Variants in UGT2B7 observed in about 807,000 individuals in gnomAD.
UGT2B7 encodes UDP-glucuronosyltransferase 2B7.
Under a neutral mutation model 51.9 loss-of-function variants are expected in UGT2B7, and 51 were observed. The observed-to-expected ratio is 0.98, with a 90% CI of 0.78 to 1.24. The LOEUF (loss-of-function observed/expected upper bound fraction) is 1.24. Among genes scored for constraint, UGT2B7 ranks in the 50% most tolerant of loss-of-function variants. UGT2B7 has a pLI of 0.00. For synonymous variants in UGT2B7, 225 were observed against 211.6 expected, an observed-to-expected ratio of 1.06 and a Z score of -0.55; for missense variants, 727 against 628.4, an observed-to-expected ratio of 1.16 and a Z score of -1.68.
intron 1 of UGT2B7, among the ~76,000 whole-genome samples, chr4:69,086,501 A>G (rs1002243167): frequency 6.6e-6 from 1 of 151,948 alleles, no homozygotes; most frequent in African/African-American, 2.4e-5. Context: ...TATCTTACCT[A>G]GAGTGCAGTT....
At chr4:69,100,177 G>A (rs1440640883) in intron 2 of UGT2B7, among the ~76,000 whole-genome samples, 3 of 151,962 alleles carry the variant, frequency 2.0e-5, no homozygotes, top group Non-Finnish European at 4.4e-5. Flanking sequence ...AAAGCTTCCT[G>A]TGGGAACTCG....
intron 5 of UGT2B7, among the ~76,000 whole-genome samples, chr4:69,110,432 A>G (rs928280697): frequency 2.0e-5 from 3 of 151,526 alleles, no homozygotes; most frequent in African/African-American, 7.3e-5. Flanking sequence ...CCAGTTATAT[A>G]CCCAACAGAT....
intron 1 of UGT2B7, among the ~76,000 whole-genome samples, chr4:69,053,059 T>C (rs1402752427): frequency 6.6e-6 from 1 of 152,200 alleles, no homozygotes; most frequent in Non-Finnish European, 1.5e-5. Flanking sequence ...ACAGGTTTTT[T>C]TTCTTAAAGC....
chr4:69,112,075 C>T (rs1719788258), intron 5 of UGT2B7, among the ~76,000 whole-genome samples: 1 of 152,134 alleles, frequency 6.6e-6, no homozygotes, highest in Admixed American at 6.5e-5. Context: ...GCAGACAGCC[C>T]AGTGCCACAC....
intron 3 of UGT2B7, among the ~76,000 whole-genome samples, chr4:69,106,507 G>A (rs1719604652): frequency 6.6e-6 from 1 of 152,034 alleles, no homozygotes; most frequent in South Asian, 2.1e-4. Context: ...ATAATCAATG[G>A]GCATTTAGGT....
intron 1 of UGT2B7, among the ~76,000 whole-genome samples, chr4:69,054,144 G>GT (rs1718118168): frequency 6.6e-6 from 1 of 150,584 alleles, no homozygotes; most frequent in Admixed American, 6.6e-5. Flanking sequence ...CTTTTCATGA[G>GT]TTAAAAAAAA....
intron 3 of UGT2B7, among the ~76,000 whole-genome samples, chr4:69,104,831 C>T (rs953521775): frequency 3.9e-5 from 6 of 152,120 alleles, no homozygotes; most frequent in African/African-American, 1.4e-4. Context: ...ATAACAATAG[C>T]AGGTATTTCA....
Position 69,102,867 on chromosome 4 carries a change from T to G in UGT2B7, c.931T>G (p.Ser311Ala). Residue 311 changes from serine to alanine, a missense_variant, in exon 3 of 6, where the codon TCA becomes GCA. Coordinates refer to ENST00000305231, the MANE Select transcript of UGT2B7 (RefSeq NM_001074.4). The stretch of plus-strand genomic sequence containing the variant: ...TGGTGTTGTGGTGTTTTCTCTGGGG[T>G]CAATGGTCAGTAACATGACAGAAGA... ...ENGVVVFSLG[S>A]MVSNMTEERA... is the part of the protein sequence containing the mutation. 6.2e-7 allele frequency: 1 copy of G among 1,613,580 alleles called. No individual in the cohort carries two copies. Among genetic ancestry groups the G allele is most frequent in the Non-Finnish European group, 8.5e-7 (1 of 1,179,714 alleles).
intron 1 of UGT2B7, among the ~76,000 whole-genome samples, chr4:69,063,534 A>C (rs954661561): frequency 4.6e-5 from 7 of 152,134 alleles, no homozygotes. Context: ...AATAAGGATC[A>C]CCATCTATTA....
chr4:69,061,127 C>T (rs1377824972), intron 1 of UGT2B7, among the ~76,000 whole-genome samples: 1 of 152,150 alleles, frequency 6.6e-6, no homozygotes, highest in African/African-American at 2.4e-5. Flanking sequence ...ACAGGAACTG[C>T]CTCTCAGAAA....
At chr4:69,087,580 C>T (rs902221910) in intron 1 of UGT2B7, among the ~76,000 whole-genome samples, 4 of 151,884 alleles carry the variant, frequency 2.6e-5, no homozygotes, top group Non-Finnish European at 5.9e-5. Context: ...CCTTTTCTTT[C>T]CAATAAAACA....
intron 1 of UGT2B7, among the ~76,000 whole-genome samples, chr4:69,074,403 A>C (rs1379920091): frequency 7.0e-6 from 1 of 142,852 alleles, no homozygotes; most frequent in East Asian, 2.0e-4. Flanking sequence ...TTCAGCCTGG[A>C]CGATGGAATA....
At chr4:69,063,548 T>C (rs527481542) in intron 1 of UGT2B7, among the ~76,000 whole-genome samples, 3 of 152,198 alleles carry the variant, frequency 2.0e-5, no homozygotes, top group Admixed American at 2.0e-4. Flanking sequence ...TCTATTAGAA[T>C]AGACTGGCTT....
intron 1 of UGT2B7, among the ~76,000 whole-genome samples, chr4:69,073,033 A>G (rs1187284238): frequency 6.6e-6 from 1 of 152,014 alleles, no homozygotes; most frequent in Non-Finnish European, 1.5e-5. Context: ...TGGGTTCTCC[A>G]CCTCCCTGGT....
intron 5 of UGT2B7, among the ~76,000 whole-genome samples, chr4:69,110,645 A>G (rs575198502): frequency 1.3e-5 from 2 of 152,304 alleles, no homozygotes; most frequent in African/African-American, 4.8e-5. Flanking sequence ...AGTACGTATT[A>G]TATAATTCAA....
Position 69,112,550 on chromosome 4 carries a change from G to A in UGT2B7, c.1404G>A (p.Met468Ile), listed in dbSNP as rs1355634168. The change falls in exon 6 of 6, where the codon ATG becomes ATA. Residue 468 changes from methionine to isoleucine, a missense_variant. By Grantham distance (10) the Met-to-Ile change is conservative. Coordinates refer to ENST00000305231, the MANE Select transcript of UGT2B7 (RefSeq NM_001074.4). The part of the protein sequence containing the change: ...DRAVFWIEFV[M>I]RHKGAKHLRV... ...CAGTCTTCTGGATTGAATTTGTCATGCGCCACAAAGGAGCTAAACACCTTC... is the reference window on the plus strand; with the variant it reads ...CAGTCTTCTGGATTGAATTTGTCATACGCCACAAAGGAGCTAAACACCTTC... 1 of 1,613,888 alleles carries A rather than the reference G, an allele frequency of 6.2e-7. No homozygotes were observed. Among genetic ancestry groups the A allele is most frequent in the East Asian group, 2.2e-5 (1 of 44,874 alleles).
chr4:69,063,630 AATG>A (rs1007909889), intron 1 of UGT2B7, among the ~76,000 whole-genome samples: 2 of 152,140 alleles, frequency 1.3e-5, no homozygotes, highest in Non-Finnish European at 2.9e-5. Flanking sequence ...CCTAGAAATT[AATG>A]ATAACAGGAA....
At chr4:69,095,302 T>C (rs186874702), upstream of UGT2B7, among the ~76,000 whole-genome samples, 1 of 152,220 alleles carries the variant, frequency 6.6e-6, no homozygotes, top group East Asian at 1.9e-4. Flanking sequence ...ATTTGGGTAA[T>C]TGATTAGTCA....
chr4:69,095,423 C>G (rs1719196540), upstream of UGT2B7, among the ~76,000 whole-genome samples: 1 of 152,220 alleles, frequency 6.6e-6, no homozygotes, highest in Non-Finnish European at 1.5e-5. Context: ...GATCAGCTGA[C>G]ATCAGTGAGA....
Sources: allele counts gnomAD v4.1 joint callset (sites outside exome capture counted in the v4.1 genomes callset), GRCh38; gene constraint gnomAD v4.1.1; transcripts MANE v1.5; gene names NCBI Gene and HGNC (gene_info 2026-07-23, HGNC 2026-07-21).